SYN2: variants seen among roughly 807,000 people sequenced by gnomAD.
SYN2 encodes the protein synapsin II.
In SYN2, 19 loss-of-function variants were observed where a neutral mutation model predicts 50.9. The ratio of observed to expected loss-of-function variants is 0.37; its 90% CI spans 0.26 to 0.55. SYN2 has a LOEUF of 0.55. Ranked by LOEUF, SYN2 falls within the 20% of genes least tolerant of loss-of-function variation. SYN2 has a pLI of 0.81. For synonymous variants in SYN2, 255 were observed against 224.9 expected (o/e 1.13, Z -1.20); for missense variants, 587 against 576.4 (o/e 1.02, Z -0.19).
At chr3:12,160,042 C>CAAAAAAAAAAAAAAAAAAAAAAAAAA (rs3079818) in intron 5 of SYN2, among the ~76,000 whole-genome samples, 1 of 67,614 alleles carries the variant, frequency 1.5e-5, no homozygotes, top group Non-Finnish European at 2.6e-5. Flanking sequence ...GACTCCGTCT[C>CAAAAAAAAAAAAAAAAAAAAAAAAAA]AAAAAAAAAA....
Position 12,005,038 on chromosome 3 carries a change from G to A in SYN2, c.377+110G>A, listed in dbSNP as rs182108468. On this transcript the variant is annotated intron_variant, in intron 1 of 12. Coordinates refer to ENST00000621198, the MANE Select transcript of SYN2 (RefSeq NM_133625.6). ...AAACGTTTCAGACCAATAAAAAGGA[G>A]GGTCCCCGAGGTCCCGCTGGGAGGA... 957 of 383,532 alleles carry A rather than the reference G, an allele frequency of 2.5e-3. 12 individuals carry two copies. The highest frequency in any genetic ancestry group is 0.018 in the African/African-American group (876 of 47,646). 23.8% of individuals were successfully genotyped at this position (383,532 alleles called of 1,614,324 possible).
intron 5 of SYN2, chr3:12,153,843 C>A: frequency 1.0e-6 from 1 of 962,668 alleles, no homozygotes; most frequent in South Asian, 1.6e-5. Context: ...TTCCCAGTCC[C>A]CAGTCTTCTC....
At chr3:12,083,692 A>G (rs984938737) in intron 1 of SYN2, among the ~76,000 whole-genome samples, 1 of 152,132 alleles carries the variant, frequency 6.6e-6, no homozygotes, top group Non-Finnish European at 1.5e-5. Context: ...TGCTGCTCCC[A>G]CTGAAGATGG....
At chr3:12,076,243 A>G (rs1175201200) in intron 1 of SYN2, among the ~76,000 whole-genome samples, 1 of 152,140 alleles carries the variant, frequency 6.6e-6, no homozygotes, top group African/African-American at 2.4e-5. Context: ...AGTTCCTGGA[A>G]TAAGTGCAGT....
intron 5 of SYN2, chr3:12,157,476 C>G (rs1452503534): frequency 1.2e-6 from 2 of 1,613,914 alleles, no homozygotes; most frequent in Non-Finnish European, 8.5e-7. Context: ...GATTTTGGCC[C>G]GAATCACTGC....
chr3:12,019,129 A>G (rs529861934), intron 1 of SYN2, among the ~76,000 whole-genome samples: 1 of 152,350 alleles, frequency 6.6e-6, no homozygotes, highest in South Asian at 2.1e-4. Flanking sequence ...AAATTGGGAC[A>G]TGAAGTCTTA....
intron 1 of SYN2, among the ~76,000 whole-genome samples, chr3:12,125,437 G>C (rs1239442599): frequency 6.6e-6 from 1 of 152,170 alleles, no homozygotes; most frequent in African/African-American, 2.4e-5. Context: ...CCAAGATTAT[G>C]TTTTCCCTAA....
chr3:12,158,079 G>A (rs372818440), intron 5 of SYN2, among the ~76,000 whole-genome samples: 2 of 152,136 alleles, frequency 1.3e-5, no homozygotes, highest in East Asian at 3.8e-4. Flanking sequence ...ATCTAGTGGA[G>A]TGCACACGTG....
At chr3:12,072,416 T>A (rs766803061) in intron 1 of SYN2, among the ~76,000 whole-genome samples, 17 of 152,306 alleles carry the variant, frequency 1.1e-4, no homozygotes, top group Middle Eastern at 3.4e-3. Context: ...GTCACAAAGA[T>A]TTATGGCTAT....
chr3:12,187,713 C>G, intron 12 of SYN2, 101 bp downstream of exon 12: 1 of 1,420,560 alleles, frequency 7.0e-7, no homozygotes, highest in South Asian at 1.5e-5. Flanking sequence ...AGGTCTCCTC[C>G]TACAGATATT....
At chr3:12,151,909 CAGA>C (rs1432274397) in intron 5 of SYN2, among the ~76,000 whole-genome samples, 1 of 152,176 alleles carries the variant, frequency 6.6e-6, no homozygotes, top group African/African-American at 2.4e-5. Flanking sequence ...CCTAGTAAGT[CAGA>C]AGGAGCAGAG....
At chr3:12,057,287 C>CTGGGTGTGTG (rs1695012651) in intron 1 of SYN2, among the ~76,000 whole-genome samples, 1 of 133,908 alleles carries the variant, frequency 7.5e-6, no homozygotes, top group African/African-American at 2.8e-5. Context: ...GCAAGACTGT[C>CTGGGTGTGTG]TGTGTGTGTG....
At chr3:12,120,581 A>C (rs1696533810) in intron 1 of SYN2, among the ~76,000 whole-genome samples, 1 of 152,192 alleles carries the variant, frequency 6.6e-6, no homozygotes, top group African/African-American at 2.4e-5. Flanking sequence ...CTTTCAGAGA[A>C]AGCCAAATGC....
rs761886594 is a variant in SYN2 at position 12,156,829 on chromosome 3, G to A, written c.775-4717G>A. On this transcript the variant is annotated intron_variant, in intron 5 of 12. Coordinates refer to ENST00000621198, the MANE Select transcript of SYN2 (RefSeq NM_133625.6). The stretch of plus-strand genomic sequence containing the variant: ...TGGTCTTTTAACTTACCAGTCAAGA[G>A]ATACTGCTTCTGGCTGTTGGCTTCT... The A allele has an allele frequency of 6.2e-7, 1 of 1,613,810 alleles. No individual in the cohort carries two copies. The highest frequency in any genetic ancestry group is 1.7e-5 in the Admixed American group (1 of 60,024).
In SYN2 at chr3:12,191,204, T is replaced by C. The variant is rs998354522; in HGVS notation, c.*579T>C. Reference sequence around the variant, plus strand: ...GTGAAGCACCTTGAGTCTGCTGATATTCGGGAGAACAAGGATCTGCAGTTT... The same window carrying C: ...GTGAAGCACCTTGAGTCTGCTGATACTCGGGAGAACAAGGATCTGCAGTTT... On this transcript the variant is annotated 3_prime_UTR_variant, in exon 13 of 13. Transcript: ENST00000621198. 2.0e-6 allele frequency: 2 copies of C among 983,700 alleles called. No homozygotes were observed. Among genetic ancestry groups the C allele is most frequent in the East Asian group, 1.1e-4 (1 of 8,820 alleles). 60.9% of individuals were successfully genotyped at this position (983,700 alleles called of 1,614,324 possible). A position where few individuals can be genotyped will look rare whatever the true frequency, so the allele number is the denominator to read the frequency against.
chr3:12,159,659 C>G (rs1057306032), intron 5 of SYN2, among the ~76,000 whole-genome samples: 6 of 152,158 alleles, frequency 3.9e-5, no homozygotes, highest in African/African-American at 1.4e-4. Flanking sequence ...CCTCAAAGCC[C>G]TCTCGAGGCC....
intron 1 of SYN2, among the ~76,000 whole-genome samples, chr3:12,045,607 G>A (rs201306205): frequency 4.1e-5 from 1 of 24,620 alleles, no homozygotes; most frequent in African/African-American, 5.8e-5. Context: ...CTTTCACTAT[G>A]CTGTAGCCCG....
intron 1 of SYN2, among the ~76,000 whole-genome samples, chr3:12,076,875 G>T (rs1007333805): frequency 6.6e-6 from 1 of 152,108 alleles, no homozygotes; most frequent in African/African-American, 2.4e-5. Flanking sequence ...AAATGCCTCT[G>T]TAGTGACAGA....
chr3:12,062,238 G>A (rs1184530613), intron 1 of SYN2, among the ~76,000 whole-genome samples: 1 of 151,978 alleles, frequency 6.6e-6, no homozygotes, highest in Non-Finnish European at 1.5e-5. Context: ...ATAATCAAAT[G>A]ATCTTTGACA....
Sources: allele counts gnomAD v4.1 joint callset (sites outside exome capture counted in the v4.1 genomes callset), GRCh38; gene constraint gnomAD v4.1.1; transcripts MANE v1.5; gene names NCBI Gene and HGNC (gene_info 2026-07-23, HGNC 2026-07-21).